The following CCDC33 variants were observed in gnomAD, a reference collection of about 807,000 sequenced individuals.
CCDC33 encodes coiled-coil domain-containing protein 33.
Under a neutral mutation model 91.9 loss-of-function variants are expected in CCDC33, and 94 were observed. That is an observed-to-expected ratio of 1.02 (90% CI 0.87 to 1.21). The LOEUF (loss-of-function observed/expected upper bound fraction) is 1.21, where lower values mean the gene tolerates loss of function less well. Ranked by LOEUF, CCDC33 falls within the 50% of genes most tolerant of loss-of-function variation. CCDC33 has a pLI of 0.00. For missense variants in CCDC33, 940 were observed against 935.5 expected (o/e 1.00, Z -0.06); for synonymous variants, 396 against 374.5 (o/e 1.06, Z -0.66).
At chr15:74,214,917 A>G (rs1309619031), upstream of CCDC33, among the ~76,000 whole-genome samples, 3 of 152,268 alleles carry the variant, frequency 2.0e-5, no homozygotes, top group Admixed American at 1.3e-4. Context: ...TCATTCATTT[A>G]TTCATCCATA....
chr15:74,313,177 G>A (rs2060023661), intron 11 of CCDC33, among the ~76,000 whole-genome samples: 1 of 152,168 alleles, frequency 6.6e-6, no homozygotes, highest in East Asian at 1.9e-4. Flanking sequence ...GCCAAGGCTT[G>A]GACAGCTCCT....
intron 2 of CCDC33, among the ~76,000 whole-genome samples, chr15:74,220,982 G>C (rs943719831): frequency 2.0e-5 from 3 of 152,170 alleles, no homozygotes; most frequent in Non-Finnish European, 2.9e-5. Context: ...GCAAGAGTGG[G>C]CTGTCAGCGA....
chr15:74,303,746 T>G (rs28619313), intron 11 of CCDC33: 80,102 of 152,176 alleles, frequency 0.53, 22,990 homozygotes, highest in East Asian at 0.83. Context: ...CCTCCTCAGC[T>G]CCTCCCCTGC....
chr15:74,239,806 G>A (rs1368576152), intron 1 of CCDC33, among the ~76,000 whole-genome samples: 1 of 142,090 alleles, frequency 7.0e-6, no homozygotes, highest in African/African-American at 2.7e-5. Context: ...CCCTACAGAT[G>A]AGTTTGTGCA....
At chr15:74,259,424 C>A (rs1417585779) in intron 2 of CCDC33, among the ~76,000 whole-genome samples, 1 of 152,138 alleles carries the variant, frequency 6.6e-6, no homozygotes, top group African/African-American at 2.4e-5. Flanking sequence ...GCCCTTCTTG[C>A]TCTCCAGATT....
intron 10 of CCDC33, among the ~76,000 whole-genome samples, chr15:74,292,491 A>G (rs1467417037): frequency 1.3e-5 from 2 of 152,150 alleles, no homozygotes; most frequent in African/African-American, 4.8e-5. Context: ...GACATGATGG[A>G]TCTCTTGGTG....
chr15:74,265,715 A>G (rs1235385457), intron 3 of CCDC33, among the ~76,000 whole-genome samples: 1 of 152,240 alleles, frequency 6.6e-6, no homozygotes, highest in Non-Finnish European at 1.5e-5. Context: ...TTTATAGGAC[A>G]TTGGTGTTCT....
chr15:74,259,526 T>C (rs1192821137), intron 2 of CCDC33, among the ~76,000 whole-genome samples: 1 of 151,710 alleles, frequency 6.6e-6, no homozygotes, highest in Non-Finnish European at 1.5e-5. Flanking sequence ...GCCTCCCCCT[T>C]CCCCTGGGGC....
chr15:74,232,909 AGC>A (rs1223390632), upstream of CCDC33, among the ~76,000 whole-genome samples: 14 of 152,174 alleles, frequency 9.2e-5, no homozygotes, highest in Non-Finnish European at 1.9e-4. Context: ...TGTCTCCACC[AGC>A]GCTTGAGCCT....
chr15:74,240,311 C>G (rs745790790), intron 1 of CCDC33, among the ~76,000 whole-genome samples: 6 of 152,244 alleles, frequency 3.9e-5, no homozygotes, highest in Non-Finnish European at 7.4e-5. Flanking sequence ...TAGTTGGGCT[C>G]TGGGGCTGCC....
intron 11 of CCDC33, among the ~76,000 whole-genome samples, chr15:74,317,892 T>G (rs1457505105): frequency 3.3e-5 from 1 of 29,906 alleles, no homozygotes; most frequent in African/African-American, 7.4e-5. Context: ...GGTTTGTTTT[T>G]TTTTTTTTTT....
rs2074505907 is a variant in CCDC33, at chr15:74,218,559, G to A, written c.373G>A (p.Glu125Lys). ...GCATGTGGAGGCACTGAGGCTGGACGAACCCTTGGGACGGGCAGCCCAGCG... is the reference window on the plus strand; with the variant it reads ...GCATGTGGAGGCACTGAGGCTGGACAAACCCTTGGGACGGGCAGCCCAGCG... Residue 125 changes from glutamate (E) to lysine (K), a missense_variant, in exon 2 of 3, where the codon GAA becomes AAA. By Grantham distance (56) the Glu-to-Lys change is moderately conservative. Coordinates refer to the CCDC33 transcript ENST00000635913. The surrounding 1 kb of genome is among the most constrained non-coding windows in gnomAD (Gnocchi z 4.8). 3.1e-6 allele frequency: 4 copies of A among 1,289,746 alleles called. No individual in the cohort carries two copies. The highest frequency in any genetic ancestry group is 1.5e-5 in the African/African-American group (1 of 65,948). 79.9% of individuals were successfully genotyped at this position (1,289,746 alleles called of 1,614,324 possible).
At chr15:74,269,949 AC>A (rs2076270082) in intron 5 of CCDC33, among the ~76,000 whole-genome samples, 1 of 151,752 alleles carries the variant, frequency 6.6e-6, no homozygotes, top group African/African-American at 2.4e-5. Flanking sequence ...AGCTGCCACC[AC>A]CCCCTTTTTA....
intron 2 of CCDC33, chr15:74,221,412 G>GAAGCAA: frequency 4.0e-6 from 3 of 747,924 alleles, no homozygotes; most frequent in Non-Finnish European, 4.9e-6. Flanking sequence ...CTTTGAATCA[G>GAAGCAA]AATCATTTTG....
intron 11 of CCDC33, chr15:74,299,706 A>C (rs959245452): frequency 6.6e-6 from 1 of 152,378 alleles, no homozygotes; most frequent in Admixed American, 6.5e-5. Flanking sequence ...CTCATAGAGT[A>C]TCCAGGGCAG....
rs2060431471 is a variant in CCDC33, at chr15:74,331,255, A to C, written c.1730A>C (p.Lys577Thr). ...GAGGACAGGCTGCAGGACAGGAGCA[A>C]GCCCCCTCCTCTGAACAGGCAGCAG... ...VLEDRLQDRS[K>T]PPPLNRQQGK... The change falls in exon 15 of 19, where the codon AAG becomes ACG. Residue 577 changes from lysine to threonine, a missense_variant. Coordinates refer to ENST00000398814, the MANE Select transcript of CCDC33 (RefSeq NM_025055.5). The C allele has an allele frequency of 6.2e-7, 1 of 1,614,096 alleles. No individual in the cohort carries two copies. The highest frequency in any genetic ancestry group is 1.3e-5 in the African/African-American group (1 of 75,040).
chr15:74,247,539 G>A (rs1654727087), intron 2 of CCDC33, among the ~76,000 whole-genome samples: 1 of 152,126 alleles, frequency 6.6e-6, no homozygotes, highest in Admixed American at 6.6e-5. Flanking sequence ...TGCCATTTGC[G>A]ATAATGCAGA....
At chr15:74,265,085 G>T (rs2076132170) in intron 3 of CCDC33, among the ~76,000 whole-genome samples, 1 of 152,042 alleles carries the variant, frequency 6.6e-6, no homozygotes, top group Non-Finnish European at 1.5e-5. Flanking sequence ...GGAAGACAGA[G>T]AAAGAAGAAT....
intron 1 of CCDC33, among the ~76,000 whole-genome samples, chr15:74,207,287 A>G (rs2074281164): frequency 6.6e-6 from 1 of 152,132 alleles, no homozygotes; most frequent in Admixed American, 6.5e-5. Flanking sequence ...CATCCCCTCA[A>G]GGACTCCCAG....
Sources: gnomAD v4.1 joint callset for allele counts (sites outside exome capture counted in the v4.1 genomes callset) on GRCh38, gnomAD v4.1.1 for gene constraint, Gnocchi (gnomAD v3.1) non-coding constraint, MANE v1.5 for transcripts, NCBI Gene and HGNC (gene_info 2026-07-23, HGNC 2026-07-21) for gene names.